The following ARHGEF7 variants were observed in gnomAD, a reference collection of about 807,000 sequenced individuals.
ARHGEF7 encodes Rho guanine nucleotide exchange factor 7.
A neutral mutation model predicts 109.8 loss-of-function variants in ARHGEF7; 33 were observed. The observed-to-expected ratio is 0.30, with a 90% CI of 0.23 to 0.40. The LOEUF (loss-of-function observed/expected upper bound fraction) is 0.40. Ranked by LOEUF, ARHGEF7 falls within the 10% of genes least tolerant of loss-of-function variation. The pLI, the probability that ARHGEF7 is intolerant of heterozygous loss-of-function variation, is 1.00. For missense variants in ARHGEF7, 938 were observed against 1,098.5 expected (o/e 0.85, Z 2.07); for synonymous variants, 458 against 424.6 (o/e 1.08, Z -0.97).
chr13:111,267,246 T>G (rs745833114), intron 8 of ARHGEF7, among the ~76,000 whole-genome samples: 4 of 152,260 alleles, frequency 2.6e-5, no homozygotes, highest in Non-Finnish European at 4.4e-5. Context: ...TATGCAAAGC[T>G]GAAGGCTCTG....
rs930617851 is a variant in ARHGEF7, at chr13:111,210,060, G to T, written c.468+58G>T. The T allele has an allele frequency of 7.5e-6, 12 of 1,604,310 alleles. No homozygotes were observed. In the African/African-American group the frequency reaches 9.4e-5, roughly 13 times the overall value. On this transcript the variant is annotated intron_variant, in intron 4 of 21. Transcript: ENST00000646102. ...TTTGGGAAGGATATGAGTGTGTATG[G>T]ATATATCTGAGAAGATACGTATGCC...
At chr13:111,275,378 T>G (rs2092416978) in intron 11 of ARHGEF7, among the ~76,000 whole-genome samples, 154 bp from the exon 12 acceptor site, 1 of 152,192 alleles carries the variant, frequency 6.6e-6, no homozygotes, top group Admixed American at 6.5e-5. Flanking sequence ...TACTTTCAAT[T>G]CCCTATAATT....
chr13:111,143,069 A>C (rs1292486190), intron 1 of ARHGEF7, among the ~76,000 whole-genome samples: 2 of 152,188 alleles, frequency 1.3e-5, no homozygotes, highest in African/African-American at 4.8e-5. Flanking sequence ...GGTGGAGGCA[A>C]ACAAAGGCAG....
At position 111,209,996 on chromosome 13, in the gene ARHGEF7, G is replaced by C; in HGVS notation, c.462G>C (p.Arg154=). The change falls in exon 4 of 22, where the codon CGG becomes CGC. Residue 154 remains arginine (R), a synonymous_variant. Transcript: ENST00000646102. Reference sequence around the variant, plus strand: ...CAAAACTGTTCCAGGGCCAGTATCGGAGTTTGGTAAGTTTGAGAGATTTTG... The same window carrying C: ...CAAAACTGTTCCAGGGCCAGTATCGCAGTTTGGTAAGTTTGAGAGATTTTG... ...RTSKLFQGQY[R]SLDMTDNSNN... The C allele has an allele frequency of 6.2e-7, 1 of 1,614,194 alleles. No individual in the cohort carries two copies. The highest frequency in any genetic ancestry group is 1.1e-5 in the South Asian group (1 of 91,082).
chr13:111,240,423 A>G (rs893779539), intron 6 of ARHGEF7, among the ~76,000 whole-genome samples: 1 of 152,246 alleles, frequency 6.6e-6, no homozygotes, highest in Non-Finnish European at 1.5e-5. Context: ...CAGCAGTGCT[A>G]ACACACCACA....
At chr13:111,241,164 G>T (rs768823362) in intron 6 of ARHGEF7, 134 of 1,535,352 alleles carry the variant, frequency 8.7e-5, no homozygotes, top group Admixed American at 1.8e-4. Context: ...GCTCAGCTCT[G>T]TGGGCCTTTC....
At chr13:111,215,574 C>T (rs1594799161) in intron 4 of ARHGEF7, among the ~76,000 whole-genome samples, 1 of 152,102 alleles carries the variant, frequency 6.6e-6, no homozygotes, top group East Asian at 1.9e-4. Flanking sequence ...TGGAGCAGAG[C>T]CACGTTGTAT....
At chr13:111,205,800 C>G (rs2081758448) in intron 3 of ARHGEF7, among the ~76,000 whole-genome samples, 1 of 151,990 alleles carries the variant, frequency 6.6e-6, no homozygotes, top group Non-Finnish European at 1.5e-5. Flanking sequence ...CCTGTAAAGT[C>G]CACACTACCT....
In ARHGEF7 at chr13:111,123,862, GCCCC is replaced by G. The variant is rs59479493; in HGVS notation, c.165+8180_165+8183del. Among the ~76,000 whole-genome samples, 17 of 110,142 alleles carry G rather than the reference GCCCC, an allele frequency of 1.5e-4. 2 individuals carry two copies. Among genetic ancestry groups the G allele is most frequent in the Admixed American group, 2.0e-4 (2 of 9,844 alleles). The allele number at this position is 110,142 out of a possible 152,430, so 72.3% of individuals were successfully genotyped here. A position where few individuals can be genotyped will look rare whatever the true frequency, so the allele number is the denominator to read the frequency against. On this transcript the variant is annotated intron_variant, in intron 1 of 21. Transcript: ENST00000646102. ...TGGCCATCGTTGGCTGGTGGGCTGC[GCCCC>G]CCCCCCCCGGCCCCGCCCCCTGCCC...
intron 16 of ARHGEF7, among the ~76,000 whole-genome samples, chr13:111,284,198 G>A (rs1443706012): frequency 6.6e-6 from 1 of 152,160 alleles, no homozygotes; most frequent in Non-Finnish European, 1.5e-5. Context: ...GTGAGTGAGC[G>A]TGAGGATGGT....
At chr13:111,135,772 T>C (rs1278769207) in intron 1 of ARHGEF7, among the ~76,000 whole-genome samples, 1 of 152,348 alleles carries the variant, frequency 6.6e-6, no homozygotes, top group African/African-American at 2.4e-5. Context: ...CTTTTCCTAA[T>C]TGAATACCCT....
intron 2 of ARHGEF7, among the ~76,000 whole-genome samples, chr13:111,175,719 A>C (rs2078092308): frequency 6.6e-6 from 1 of 152,166 alleles, no homozygotes; most frequent in South Asian, 2.1e-4. Context: ...GTGGATAAGG[A>C]GACTGAGGCA....
chr13:111,213,855 G>A (rs1473326258), intron 4 of ARHGEF7, among the ~76,000 whole-genome samples: 1 of 152,194 alleles, frequency 6.6e-6, no homozygotes, highest in African/African-American at 2.4e-5. Context: ...TGGTAGTATA[G>A]AGTGTGTAGT....
chr13:111,122,966 G>C (rs991836581), intron 1 of ARHGEF7, among the ~76,000 whole-genome samples: 1 of 152,210 alleles, frequency 6.6e-6, no homozygotes, highest in Non-Finnish European at 1.5e-5. Context: ...GGGATACTGT[G>C]TATAGAGGTC....
In ARHGEF7 at chr13:111,123,865, C is replaced by CG. The variant is rs777280758; in HGVS notation, c.165+8174_165+8175insG. On this transcript the variant is annotated intron_variant, in intron 1 of 21. Coordinates refer to ENST00000646102, the MANE Select transcript of ARHGEF7 (RefSeq NM_001354046.2). ...CCATCGTTGGCTGGTGGGCTGCGCC[C>CG]CCCCCCCCCGGCCCCGCCCCCTGCC... 2.2e-4 allele frequency among the ~76,000 whole-genome samples: 8 copies of CG among 35,984 alleles called. No individual in the cohort carries two copies. The South Asian group carries it at 2.6e-3, about 12-fold the overall frequency. 23.6% of individuals were successfully genotyped at this position (35,984 alleles called of 152,430 possible).
rs2090294051 is a variant in ARHGEF7, at chr13:111,255,351, A to G, written c.950+11057A>G. The stretch of plus-strand genomic sequence containing the variant: ...GTGTGGGAAGAGGTGTGGCCCAGGT[A>G]AAGGTTAGGTTTGGATTGACAGCTC... On this transcript the variant is annotated intron_variant, in intron 8 of 21. Coordinates refer to ENST00000646102, the MANE Select transcript of ARHGEF7 (RefSeq NM_001354046.2). The surrounding 1 kb of genome is among the most constrained non-coding windows in gnomAD (Gnocchi z 4.1). 1.3e-5 allele frequency among the ~76,000 whole-genome samples: 2 copies of G among 152,294 alleles called. No individual in the cohort carries two copies. The highest frequency in any genetic ancestry group is 6.8e-3 in the Middle Eastern group (2 of 294).
chr13:111,278,565 G>A (rs899856773), intron 13 of ARHGEF7, among the ~76,000 whole-genome samples: 9 of 152,290 alleles, frequency 5.9e-5, no homozygotes, highest in South Asian at 2.1e-4. Flanking sequence ...ACCAACACAC[G>A]TGCTTTAGAA....
intron 4 of ARHGEF7, among the ~76,000 whole-genome samples, chr13:111,212,336 G>C (rs1310528594): frequency 6.6e-6 from 1 of 152,154 alleles, no homozygotes; most frequent in Admixed American, 6.5e-5. Flanking sequence ...GTTCGGCTCT[G>C]TGATGGGCCT....
intron 1 of ARHGEF7, among the ~76,000 whole-genome samples, chr13:111,142,130 G>GT (rs1381064225): frequency 2.6e-5 from 4 of 151,882 alleles, no homozygotes; most frequent in Non-Finnish European, 4.4e-5. Flanking sequence ...CTTTGTTGGT[G>GT]TTTTTTTCAG....
Sources: allele counts gnomAD v4.1 joint callset (sites outside exome capture counted in the v4.1 genomes callset), GRCh38; gene constraint gnomAD v4.1.1; non-coding constraint Gnocchi (gnomAD v3.1); transcripts MANE v1.5; gene names NCBI Gene and HGNC (gene_info 2026-07-23, HGNC 2026-07-21).